DENND1B: variants seen among roughly 807,000 people sequenced by gnomAD.
DENND1B encodes DENN domain containing 1B.
Under a neutral mutation model 90.1 loss-of-function variants are expected in DENND1B, and 59 were observed. The observed-to-expected ratio is 0.65, with a 90% CI of 0.53 to 0.81. DENND1B has a LOEUF of 0.81. Ranked by LOEUF, DENND1B falls within the 40% of genes least tolerant of loss-of-function variation. The pLI is 0.00. For synonymous variants in DENND1B, 337 were observed against 324.6 expected, an observed-to-expected ratio of 1.04 and a Z score of -0.41; for missense variants, 862 against 912.6, an observed-to-expected ratio of 0.94 and a Z score of 0.71.
At chr1:197,648,992 A>T (rs1652798299) in intron 7 of DENND1B, among the ~76,000 whole-genome samples, 1 of 152,248 alleles carries the variant, frequency 6.6e-6, no homozygotes, top group Non-Finnish European at 1.5e-5. Flanking sequence ...GTGCAACAAA[A>T]GAAGATGCAA....
chr1:197,715,501 A>C (rs1660557565), intron 2 of DENND1B, among the ~76,000 whole-genome samples: 1 of 151,888 alleles, frequency 6.6e-6, no homozygotes, highest in Admixed American at 6.6e-5. Context: ...CAGAGACTAG[A>C]CCAAAATACA....
intron 2 of DENND1B, 86 bp downstream of exon 2, chr1:197,772,782 G>A: frequency 8.5e-7 from 1 of 1,181,328 alleles, no homozygotes; most frequent in East Asian, 2.6e-5. Flanking sequence ...CCCTGATCAT[G>A]CCACTGCACA....
At chr1:197,648,934 T>G (rs1447715111) in intron 7 of DENND1B, among the ~76,000 whole-genome samples, 1 of 152,222 alleles carries the variant, frequency 6.6e-6, no homozygotes, top group Non-Finnish European at 1.5e-5. Flanking sequence ...CCTTAGTTTT[T>G]TATCACCCAG....
chr1:197,516,477 G>C (rs139689620), intron 20 of DENND1B, among the ~76,000 whole-genome samples: 12 of 151,880 alleles, frequency 7.9e-5, no homozygotes, highest in African/African-American at 2.9e-4. Context: ...ATTTAAGACA[G>C]AGAAGAATAG....
chr1:197,747,028 C>A (rs1036730312), intron 2 of DENND1B: 1 of 831,436 alleles, frequency 1.2e-6, no homozygotes, highest in Non-Finnish European at 2.1e-6. Flanking sequence ...TTTAACATGG[C>A]GTTCAAATCA....
intron 7 of DENND1B, among the ~76,000 whole-genome samples, chr1:197,651,443 C>T (rs1653157950): frequency 6.6e-6 from 1 of 151,842 alleles, no homozygotes; most frequent in Non-Finnish European, 1.5e-5. Flanking sequence ...ATCATATTTC[C>T]AGTATTTTGT....
chr1:197,572,698 G>C (rs1673282593), intron 15 of DENND1B, among the ~76,000 whole-genome samples: 1 of 152,120 alleles, frequency 6.6e-6, no homozygotes, highest in Admixed American at 6.6e-5. Context: ...GTACCCCGCT[G>C]GGACGAAGCT....
At chr1:197,614,483 C>CA (rs1344746924) in intron 11 of DENND1B, among the ~76,000 whole-genome samples, 7 of 150,954 alleles carry the variant, frequency 4.6e-5, no homozygotes, top group African/African-American at 1.7e-4. Context: ...AGGGCATTAA[C>CA]AAGCCAAGAA....
intron 20 of DENND1B, among the ~76,000 whole-genome samples, chr1:197,519,438 T>C (rs891744434): frequency 2.0e-5 from 3 of 151,898 alleles, no homozygotes; most frequent in Admixed American, 6.6e-5. Context: ...TATTCATTCA[T>C]TCAACAAAGA....
At chr1:197,695,093 T>C (rs2102115328) in intron 3 of DENND1B, among the ~76,000 whole-genome samples, 1 of 151,324 alleles carries the variant, frequency 6.6e-6, no homozygotes, top group South Asian at 2.1e-4. Context: ...AAAATAAGCA[T>C]GCAGGTAAAA....
At chr1:197,696,482 G>A (rs992627714) in intron 3 of DENND1B, among the ~76,000 whole-genome samples, 3 of 151,404 alleles carry the variant, frequency 2.0e-5, no homozygotes, top group African/African-American at 7.3e-5. Context: ...GAGGGACAGA[G>A]GAGAGAACAA....
At chr1:197,732,943 A>T (rs1558456275) in intron 2 of DENND1B, among the ~76,000 whole-genome samples, 2 of 152,246 alleles carry the variant, frequency 1.3e-5, no homozygotes, top group Non-Finnish European at 2.9e-5. Context: ...ATGTATCAAC[A>T]GAATAGGTAT....
chr1:197,586,789 T>TC (rs1231160395), intron 14 of DENND1B, among the ~76,000 whole-genome samples: 1 of 152,174 alleles, frequency 6.6e-6, no homozygotes, highest in Non-Finnish European at 1.5e-5. Context: ...GAACATGGTC[T>TC]CAACTGGAGA....
At chr1:197,750,896 A>T (rs957113752) in intron 2 of DENND1B, among the ~76,000 whole-genome samples, 6 of 152,208 alleles carry the variant, frequency 3.9e-5, no homozygotes, top group African/African-American at 7.2e-5. Context: ...AAGACATAAT[A>T]GTTGTAAATG....
At chr1:197,696,872 C>T (rs1658481246) in intron 3 of DENND1B, among the ~76,000 whole-genome samples, 1 of 148,762 alleles carries the variant, frequency 6.7e-6, no homozygotes, top group Non-Finnish European at 1.5e-5. Flanking sequence ...ATACATACAG[C>T]CTAGGAGAGA....
chr1:197,576,011 C>A (rs1051012309), intron 15 of DENND1B, among the ~76,000 whole-genome samples: 1 of 151,982 alleles, frequency 6.6e-6, no homozygotes, highest in Non-Finnish European at 1.5e-5. Flanking sequence ...AGCAAACCAA[C>A]ATGGCACATG....
chr1:197,547,042 C>A (rs1219863589), intron 16 of DENND1B, among the ~76,000 whole-genome samples: 1 of 152,164 alleles, frequency 6.6e-6, no homozygotes, highest in Non-Finnish European at 1.5e-5. Flanking sequence ...AGTTAGATTT[C>A]AGCTACCTTC....
chr1:197,639,667 C>T (rs992890580), intron 10 of DENND1B, among the ~76,000 whole-genome samples: 17 of 151,938 alleles, frequency 1.1e-4, no homozygotes, highest in Admixed American at 5.2e-4. Context: ...ACATTAAACA[C>T]ATTATAGTCT....
At chr1:197,632,266 A>G (rs959058889) in intron 10 of DENND1B, among the ~76,000 whole-genome samples, 19 of 152,208 alleles carry the variant, frequency 1.2e-4, no homozygotes, top group African/African-American at 4.6e-4. Flanking sequence ...AACCTCTTAA[A>G]TTAGCAAATG....
Sources: gnomAD v4.1 joint callset for allele counts (sites outside exome capture counted in the v4.1 genomes callset) on GRCh38, gnomAD v4.1.1 for gene constraint, MANE v1.5 for transcripts, NCBI Gene and HGNC (gene_info 2026-07-23, HGNC 2026-07-21) for gene names.